Variants in BAALC observed in about 807,000 individuals in gnomAD.
The protein encoded by BAALC is BAALC binder of MAP3K1 and KLF4.
A neutral mutation model predicts 15.5 loss-of-function variants in BAALC; 9 were observed. The observed-to-expected ratio is 0.58, with a 90% CI of 0.35 to 1.02. The LOEUF (loss-of-function observed/expected upper bound fraction) is 1.02, where lower values mean the gene tolerates loss of function less well. Ranked by LOEUF, BAALC falls within the 50% of genes least tolerant of loss-of-function variation. The pLI is 0.02. For synonymous variants in BAALC, 80 were observed against 74.6 expected, an observed-to-expected ratio of 1.07 and a Z score of -0.37; for missense variants, 201 against 192.4, an observed-to-expected ratio of 1.04 and a Z score of -0.27.
At chr8:103,180,443 T>G (rs1181083785) in intron 1 of BAALC, among the ~76,000 whole-genome samples, 1 of 152,164 alleles carries the variant, frequency 6.6e-6, no homozygotes, top group Non-Finnish European at 1.5e-5. Context: ...AACAAAAATT[T>G]GGCAGAGCAT....
At chr8:103,215,624 G>C (rs1812538159) in intron 2 of BAALC, among the ~76,000 whole-genome samples, 1 of 152,090 alleles carries the variant, frequency 6.6e-6, no homozygotes, top group Admixed American at 6.5e-5. Context: ...AGCTTTCTGG[G>C]GTATATTCTT....
chr8:103,198,959 A>T (rs1350917806), intron 1 of BAALC, among the ~76,000 whole-genome samples: 2 of 152,212 alleles, frequency 1.3e-5, no homozygotes, highest in Non-Finnish European at 2.9e-5. Flanking sequence ...ATTCATCACT[A>T]TGTATTTCTA....
At chr8:103,201,014 A>G (rs1017937904) in intron 1 of BAALC, among the ~76,000 whole-genome samples, 6 of 152,170 alleles carry the variant, frequency 3.9e-5, no homozygotes, top group Non-Finnish European at 7.4e-5. Context: ...AGTGAAGGCC[A>G]TCAAGCATCC....
chr8:103,179,943 G>C (rs1273970959), intron 1 of BAALC, among the ~76,000 whole-genome samples: 1 of 152,200 alleles, frequency 6.6e-6, no homozygotes, highest in East Asian at 1.9e-4. Context: ...AAAGAGAGGT[G>C]GTTGTACTCA....
chr8:103,189,905 A>G (rs1427855876), intron 1 of BAALC, among the ~76,000 whole-genome samples: 2 of 152,206 alleles, frequency 1.3e-5, no homozygotes, highest in African/African-American at 2.4e-5. Context: ...TGTGCTAGAC[A>G]GTGGGGAAGA....
intron 1 of BAALC, among the ~76,000 whole-genome samples, chr8:103,166,593 T>C (rs1036247590): frequency 1.3e-5 from 2 of 152,136 alleles, no homozygotes; most frequent in African/African-American, 2.4e-5. Flanking sequence ...GAAAGAAAGA[T>C]AGTGATTTTA....
chr8:103,184,393 C>G (rs1453884823), intron 1 of BAALC, among the ~76,000 whole-genome samples: 4 of 152,210 alleles, frequency 2.6e-5, no homozygotes, highest in Non-Finnish European at 5.9e-5. Context: ...TGCTAATACA[C>G]AGAGAGCTTC....
chr8:103,146,553 C>G (rs1810885439), intron 1 of BAALC, among the ~76,000 whole-genome samples: 1 of 152,204 alleles, frequency 6.6e-6, no homozygotes, highest in Admixed American at 6.5e-5. Context: ...ATCCCTGTAC[C>G]TAACGCTGTT....
chr8:103,154,540 C>T (rs567952652), intron 1 of BAALC: 1 of 153,900 alleles, frequency 6.5e-6, no homozygotes, highest in South Asian at 2.1e-4. Context: ...TTCATGATTT[C>T]CCACTATCTA....
intron 1 of BAALC, among the ~76,000 whole-genome samples, chr8:103,199,798 T>TCTCCC (rs1563651504): frequency 3.3e-5 from 5 of 152,272 alleles, no homozygotes; most frequent in South Asian, 2.1e-4. Flanking sequence ...TTCCTGATTT[T>TCTCCC]TCCTCCCTCC....
chr8:103,189,839 G>A (rs761190551), intron 1 of BAALC, among the ~76,000 whole-genome samples: 2 of 152,192 alleles, frequency 1.3e-5, no homozygotes, highest in African/African-American at 2.4e-5. Context: ...GGTGCAATAC[G>A]GTGTGAGGGA....
chr8:103,227,815 C>G (rs781387928), intron 2 of BAALC, among the ~76,000 whole-genome samples, 174 bp from the exon 3 acceptor site: 1 of 152,094 alleles, frequency 6.6e-6, no homozygotes, highest in Non-Finnish European at 1.5e-5. Context: ...GTCCTCAAAC[C>G]CTCTTTGGGA....
intron 1 of BAALC, among the ~76,000 whole-genome samples, chr8:103,150,165 T>C (rs1291507316): frequency 6.6e-6 from 1 of 152,146 alleles, no homozygotes; most frequent in Non-Finnish European, 1.5e-5. Flanking sequence ...TCGGATCTCA[T>C]GAGACTTATT....
chr8:103,196,718 T>G (rs986682379), intron 1 of BAALC, among the ~76,000 whole-genome samples: 1 of 152,304 alleles, frequency 6.6e-6, no homozygotes, highest in Middle Eastern at 3.4e-3. Flanking sequence ...GCACCCTGGC[T>G]TGGTGAACCT....
At chr8:103,216,984 G>T (rs1199567929) in intron 2 of BAALC, among the ~76,000 whole-genome samples, 2 of 152,154 alleles carry the variant, frequency 1.3e-5, no homozygotes, top group African/African-American at 4.8e-5. Context: ...GGGAGCTCAT[G>T]GGGCTTTAAA....
intron 1 of BAALC, among the ~76,000 whole-genome samples, chr8:103,209,132 G>A (rs555948161): frequency 6.6e-6 from 1 of 152,278 alleles, no homozygotes; most frequent in South Asian, 2.1e-4. Context: ...AGCACTTTGG[G>A]AGGCCAAGGC....
At chr8:103,141,197 C>T (rs1810767417) in intron 1 of BAALC, 140 bp downstream of exon 1, 4 of 1,002,736 alleles carry the variant, frequency 4.0e-6, no homozygotes, top group Non-Finnish European at 5.4e-6. Context: ...CAGGACCTGC[C>T]CACTGATCAG....
intron 1 of BAALC, chr8:103,154,546 A>C (rs1002419234): frequency 1.3e-5 from 2 of 153,920 alleles, no homozygotes; most frequent in Non-Finnish European, 2.9e-5. Flanking sequence ...ATTTCCCACT[A>C]TCTACTGAAT....
In BAALC at chr8:103,140,782, G is replaced by A. The variant is rs962433652; in HGVS notation, c.-116G>A. 9.4e-5 allele frequency: 91 copies of A among 963,990 alleles called. No individual in the cohort carries two copies. The highest frequency in any genetic ancestry group is 1.2e-4 in the Non-Finnish European group (87 of 754,546). The allele number at this position is 963,990 out of a possible 1,614,324, so 59.7% of individuals were successfully genotyped here. On this transcript the variant is annotated 5_prime_UTR_variant, in exon 1 of 3. Transcript: ENST00000309982. This position sits in a 1 kb window ranked among gnomAD's most constrained non-coding sequence, Gnocchi z 4.2. The stretch of plus-strand genomic sequence containing the variant: ...GCGCGGCTGCAGCGCGGGCGGGAGC[G>A]GGGACGCGATGTCGCCGCCGCCGCC...
Sources: allele counts gnomAD v4.1 joint callset (sites outside exome capture counted in the v4.1 genomes callset), GRCh38; gene constraint gnomAD v4.1.1; non-coding constraint Gnocchi (gnomAD v3.1); transcripts MANE v1.5; gene names NCBI Gene and HGNC (gene_info 2026-07-23, HGNC 2026-07-21).